The following GMCL1 variants were observed in gnomAD, a reference collection of about 807,000 sequenced individuals.
The protein encoded by GMCL1 is germ cell-less 1, spermatogenesis associated, also known as germ cell-less protein-like 1.
GMCL1 carries 54 observed loss-of-function variants against 75.5 expected under a neutral mutation model. The observed-to-expected ratio is 0.71, with a 90% CI of 0.57 to 0.90. GMCL1 has a LOEUF of 0.90. GMCL1 is among the 40% of genes least tolerant of loss of function. The probability of loss-of-function intolerance (pLI) is 0.00; values close to 1 mark genes in which losing one functional copy is unlikely to be tolerated. For missense variants in GMCL1, 537 were observed against 622.7 expected (o/e 0.86, Z 1.47); for synonymous variants, 210 against 209.6 (o/e 1.00, Z -0.02).
At chr2:69,876,213 T>A (rs1018105601) in intron 13 of GMCL1, among the ~76,000 whole-genome samples, 2 of 152,220 alleles carry the variant, frequency 1.3e-5, no homozygotes, top group African/African-American at 2.4e-5. Flanking sequence ...TATATAGCTA[T>A]AATTCAGATT....
At chr2:69,845,519 T>C (rs1374819959) in intron 6 of GMCL1, among the ~76,000 whole-genome samples, 1 of 152,196 alleles carries the variant, frequency 6.6e-6, no homozygotes, top group Admixed American at 6.5e-5. Context: ...CAAGCAGTCC[T>C]CCTGCCTCAG....
intron 10 of GMCL1, among the ~76,000 whole-genome samples, chr2:69,861,945 T>C (rs1675662256): frequency 6.6e-6 from 1 of 151,996 alleles, no homozygotes; most frequent in Admixed American, 6.6e-5. Flanking sequence ...GAGGTTGCGG[T>C]AAGCCAAAAT....
intron 10 of GMCL1, among the ~76,000 whole-genome samples, chr2:69,862,965 A>G (rs1021836585): frequency 2.6e-5 from 4 of 151,932 alleles, no homozygotes; most frequent in African/African-American, 9.7e-5. Context: ...TAAATTTTGG[A>G]TGTTCTTTAT....
rs145885052 is a variant in GMCL1 at position 69,841,495 on chromosome 2, T to A, written c.579+456T>A. Reference sequence around the variant, plus strand: ...TAATCTACTGGCAGAATGACAGATTTGTTCATTGAAGAGAAGTGTGTTGAG... The same window carrying A: ...TAATCTACTGGCAGAATGACAGATTAGTTCATTGAAGAGAAGTGTGTTGAG... On this transcript the variant is annotated intron_variant, in intron 4 of 13. Transcript: ENST00000282570. 3.3e-5 allele frequency among the ~76,000 whole-genome samples: 5 copies of A among 152,340 alleles called. No individual in the cohort carries two copies. In the East Asian group the frequency reaches 9.6e-4, roughly 29 times the overall value.
At chr2:69,871,700 G>A (rs1262660631) in intron 12 of GMCL1, 45 bp from the exon 13 acceptor site, 7 of 1,038,448 alleles carry the variant, frequency 6.7e-6, no homozygotes, top group Non-Finnish European at 1.0e-5. Flanking sequence ...TTAATCTGTG[G>A]TTTAAAAATC....
chr2:69,830,940 G>T (rs1275648046), intron 1 of GMCL1, among the ~76,000 whole-genome samples: 1 of 152,066 alleles, frequency 6.6e-6, no homozygotes, highest in Non-Finnish European at 1.5e-5. Context: ...TTCTTTTTGA[G>T]ACAGAGCCTT....
rs192416054 is a variant in GMCL1 at position 69,849,202 on chromosome 2, G to A, written c.844-450G>A. Among the ~76,000 whole-genome samples the A allele has an allele frequency of 3.2e-3, 490 of 151,850 alleles. 3 individuals carry two copies. Among genetic ancestry groups the A allele is most frequent in the Non-Finnish European group, 3.8e-3 (255 of 67,954 alleles). ...TCTTTTTTCCTGGAGACAAGGTCTC[G>A]CTCTGTCACCTAGACTAGAACATAG... On this transcript the variant is annotated intron_variant, in intron 7 of 13. Transcript: ENST00000282570.
Position 69,840,981 on chromosome 2 carries a change from T to G in GMCL1, c.521T>G (p.Val174Gly), listed in dbSNP as rs376292880. The part of the protein sequence containing the change: ...VAFGSLYRDD[V>G]LIKPSRVVAI... ...TTTGGTTCACTGTATCGAGATGATG[T>G]CTTGATAAAGCCCAGTCGAGTTGTT... Residue 174 changes from valine to glycine, a missense_variant, in exon 4 of 14, where the codon GTC (valine) becomes GGC (glycine). Val to Gly is a moderately radical substitution (Grantham distance 109, BLOSUM62 -3). Around this residue, in one of 3 missense-constraint regions of GMCL1, gnomAD observed 345 missense variants for 410.5 expected, o/e 0.84. Coordinates refer to ENST00000282570, the MANE Select transcript of GMCL1 (RefSeq NM_178439.5). 2 of 1,613,992 alleles carry G rather than the reference T, an allele frequency of 1.2e-6. No homozygotes were observed. Among genetic ancestry groups the G allele is most frequent in the Non-Finnish European group, 1.7e-6 (2 of 1,179,960 alleles).
At position 69,831,085 on chromosome 2, in the gene GMCL1, A is replaced by G. The variant is rs569436532; in HGVS notation, c.260+933A>G. On this transcript the variant is annotated intron_variant, in intron 1 of 13. Transcript: ENST00000282570. ...CGGCGCGCACCACCACGCCTGGCTA[A>G]TGTTTTCTGTTTTTAGTAGAGACAG... Among the ~76,000 whole-genome samples, 214 of 152,028 alleles carry G rather than the reference A, an allele frequency of 1.4e-3. 1 individual carries two copies. Among genetic ancestry groups the G allele is most frequent in the African/African-American group, 4.8e-3 (199 of 41,440 alleles).
chr2:69,853,376 G>C (rs1416008698), intron 8 of GMCL1, among the ~76,000 whole-genome samples: 1 of 152,166 alleles, frequency 6.6e-6, no homozygotes, highest in Non-Finnish European at 1.5e-5. Context: ...ACTCTAGGCA[G>C]GTGCCAAGGG....
intron 13 of GMCL1, among the ~76,000 whole-genome samples, chr2:69,875,122 G>A (rs1676092586): frequency 6.6e-6 from 1 of 151,548 alleles, no homozygotes; most frequent in Non-Finnish European, 1.5e-5. Context: ...CTTTTTTTTG[G>A]TGTTATCCTT....
At chr2:69,830,295 C>A in intron 1 of GMCL1, 143 bp downstream of exon 1, 1 of 1,133,834 alleles carries the variant, frequency 8.8e-7, no homozygotes, top group Non-Finnish European at 1.2e-6. Context: ...AATGTGGAAG[C>A]CGGCCCGATG....
At chr2:69,871,945 G>A in intron 13 of GMCL1, 113 bp downstream of exon 13, 1 of 671,048 alleles carries the variant, frequency 1.5e-6, no homozygotes, top group Non-Finnish European at 2.5e-6. Flanking sequence ...CCTAAAAGTT[G>A]GTTTAAAAGT....
chr2:69,858,020 TAATCTA>T (rs1675528857), intron 9 of GMCL1, among the ~76,000 whole-genome samples: 1 of 152,220 alleles, frequency 6.6e-6, no homozygotes, highest in Non-Finnish European at 1.5e-5. Flanking sequence ...ACTAGGGAAA[TAATCTA>T]AATAAATTCA....
At chr2:69,850,904 T>C (rs1378708548) in intron 8 of GMCL1, among the ~76,000 whole-genome samples, 1 of 152,184 alleles carries the variant, frequency 6.6e-6, no homozygotes, top group Non-Finnish European at 1.5e-5. Context: ...CTATGTCACA[T>C]TGTGGCCTTA....
rs558306663 is a variant in GMCL1, at chr2:69,854,753, C to T, written c.935-70C>T. 501 of 1,292,974 alleles carry T rather than the reference C, an allele frequency of 3.9e-4. No individual in the cohort carries two copies. In the African/African-American group the frequency reaches 6.3e-3, roughly 16 times the overall value. The allele number at this position is 1,292,974 out of a possible 1,614,324, so 80.1% of individuals were successfully genotyped here. ...AATAGACATGAATGTACGTATCCCC[C>T]GTCCACAAAAACATTTAAGAATAAT... On this transcript the variant is annotated intron_variant, in intron 8 of 13. Coordinates refer to ENST00000282570, the MANE Select transcript of GMCL1 (RefSeq NM_178439.5).
At chr2:69,837,804 A>G (rs1173078367) in intron 2 of GMCL1, 134 bp downstream of exon 2, 1 of 1,045,760 alleles carries the variant, frequency 9.6e-7, no homozygotes, top group South Asian at 1.9e-5. Flanking sequence ...TCAGTCTGTA[A>G]GAAAAATGGC....
At chr2:69,866,110 G>C (rs575765692) in intron 11 of GMCL1, among the ~76,000 whole-genome samples, 77 of 152,180 alleles carry the variant, frequency 5.1e-4, no homozygotes, top group African/African-American at 1.8e-3. Flanking sequence ...TTCTCTGGGC[G>C]TAGTGGTGTA....
At chr2:69,835,989 G>A (rs968556910) in intron 1 of GMCL1, among the ~76,000 whole-genome samples, 5 of 152,156 alleles carry the variant, frequency 3.3e-5, no homozygotes, top group African/African-American at 1.2e-4. Flanking sequence ...TTAGCTTTGT[G>A]CTATTTCTAG....
Sources: gnomAD v4.1 joint callset for allele counts (sites outside exome capture counted in the v4.1 genomes callset) on GRCh38, gnomAD v4.1.1 for gene constraint, gnomAD v4.1.1 regional missense constraint, MANE v1.5 for transcripts, NCBI Gene and HGNC (gene_info 2026-07-23, HGNC 2026-07-21) for gene names.